The following DZIP1L variants were observed in gnomAD, a reference collection of about 807,000 sequenced individuals.
The protein encoded by DZIP1L is DAZ interacting zinc finger protein 1 like, also known as cilium assembly protein DZIP1L.
A neutral mutation model predicts 88.7 loss-of-function variants in DZIP1L; 90 were observed. The ratio of observed to expected loss-of-function variants is 1.02; its 90% CI spans 0.86 to 1.21. The LOEUF (loss-of-function observed/expected upper bound fraction) is 1.21. Ranked by LOEUF, DZIP1L falls within the 50% of genes most tolerant of loss-of-function variation. The probability of loss-of-function intolerance (pLI) is 0.00; values close to 1 mark genes in which losing one functional copy is unlikely to be tolerated. For synonymous variants in DZIP1L, 363 were observed against 372.1 expected (o/e 0.98, Z 0.28); for missense variants, 932 against 955.8 (o/e 0.98, Z 0.33).
intron 14 of DZIP1L, among the ~76,000 whole-genome samples, chr3:138,066,036 A>C: frequency 6.6e-6 from 1 of 152,214 alleles, no homozygotes; most frequent in East Asian, 1.9e-4. Context: ...TGAATTTCTA[A>C]GTCTCTTGGC....
Position 138,067,527 on chromosome 3 carries a change from T to C in DZIP1L, c.2002+4A>G. ...AGCCCACTCACCCAAAGGTGCCAGC[T>C]CACCTGAGCCCTGGCCAGGGGGCTG... On this transcript the variant is annotated splice_donor_region_variant and intron_variant, in intron 14 of 15. Transcript: ENST00000327532. 1 of 1,590,924 alleles carries C rather than the reference T, an allele frequency of 6.3e-7. No individual in the cohort carries two copies. Among genetic ancestry groups the C allele is most frequent in the Non-Finnish European group, 8.5e-7 (1 of 1,171,112 alleles).
At chr3:138,088,706 G>A in intron 5 of DZIP1L, 199 bp from the exon 6 acceptor site, 1 of 1,244,314 alleles carries the variant, frequency 8.0e-7, no homozygotes, top group Non-Finnish European at 1.0e-6. Context: ...CTCAGCCCTT[G>A]CATAGAAAAA....
chr3:138,077,736 CG>C, intron 10 of DZIP1L, 104 bp from the exon 11 acceptor site: 2 of 1,513,254 alleles, frequency 1.3e-6, no homozygotes, highest in Non-Finnish European at 1.8e-6. Flanking sequence ...GAATCCTGGT[CG>C]GTTAACTCAG....
chr3:138,093,408 GCATAATTCTTAAGGGCCCTAGAATTTTCA>G (rs1944325374), intron 4 of DZIP1L, among the ~76,000 whole-genome samples: 1 of 152,196 alleles, frequency 6.6e-6, no homozygotes, highest in East Asian at 1.9e-4. Flanking sequence ...AGTAGAGCTA[GCATAATTCTTAAGGGCCCTAGAATTTTCA>G]CAGTGGCAAA....
chr3:138,105,356 T>C (rs953304537), intron 1 of DZIP1L, among the ~76,000 whole-genome samples: 3 of 151,748 alleles, frequency 2.0e-5, no homozygotes, highest in African/African-American at 4.8e-5. Context: ...ATGATGATCA[T>C]TTTATATAAA....
At position 138,094,863 on chromosome 3, in the gene DZIP1L, T is replaced by A. The variant is rs781534394; in HGVS notation, c.707A>T (p.Gln236Leu). Residue 236 changes from glutamine to leucine, a missense_variant and splice_region_variant, in exon 4 of 16, where the codon CAG (glutamine) becomes CTG (leucine). Gln to Leu is a moderately radical substitution (Grantham distance 113, BLOSUM62 -2). Transcript: ENST00000327532. ...QREAERQRQL[Q>L]EAELIHQREI... The stretch of plus-strand genomic sequence containing the variant: ...CTGATGTTTTCTCTCCCTGCCCACC[T>A]GGAGCTGCCGCTGCCTCTCCGCCTC... The A allele has an allele frequency of 6.2e-7, 1 of 1,614,234 alleles. No individual in the cohort carries two copies. Among genetic ancestry groups the A allele is most frequent in the South Asian group, 1.1e-5 (1 of 91,084 alleles).
intron 9 of DZIP1L, 96 bp from the exon 10 acceptor site, chr3:138,080,716 A>G: frequency 7.7e-7 from 1 of 1,305,432 alleles, no homozygotes; most frequent in Non-Finnish European, 1.1e-6. Context: ...TGAGCCAGAA[A>G]GAGAAAACCC....
chr3:138,071,698 C>A lies in DZIP1L; in HGVS notation c.1560G>T (p.Ala520=), dbSNP rs144186460. Residue 520 remains alanine (A), a synonymous_variant, in exon 12 of 16, where the codon GCG becomes GCT. Transcript: ENST00000327532. ...CAGCGCCATTCTCCTGTCTCTCCTTCGCTCTGCTGGTGACTTCCTTGACAA... is the reference window on the plus strand; with the variant it reads ...CAGCGCCATTCTCCTGTCTCTCCTTAGCTCTGCTGGTGACTTCCTTGACAA... ...GKLVKEVTSR[A]KERQENGAVV... is the part of the protein sequence containing the mutation. 32 of 1,614,098 alleles carry A rather than the reference C, an allele frequency of 2.0e-5. No homozygotes were observed. The highest frequency in any genetic ancestry group is 2.7e-5 in the Non-Finnish European group (32 of 1,180,030).
chr3:138,065,340 T>A (rs1942847261), intron 14 of DZIP1L, among the ~76,000 whole-genome samples: 1 of 152,230 alleles, frequency 6.6e-6, no homozygotes. Context: ...AATCAAGGTC[T>A]GAGCAGACTT....
At position 138,101,945 on chromosome 3, in the gene DZIP1L, G is replaced by A. The variant is rs2042331013; in HGVS notation, c.501+1526C>T. On this transcript the variant is annotated intron_variant, in intron 2 of 15. Coordinates refer to ENST00000327532, the MANE Select transcript of DZIP1L (RefSeq NM_173543.3). ...GCATCTGCGATGCCCTCTGGCCTTT[G>A]AGGCCCTCAATCTCAGCCTGGAGCC... The A allele has an allele frequency of 3.3e-6, 5 of 1,530,366 alleles. No homozygotes were observed. In the Admixed American group the frequency reaches 6.7e-5, roughly 21 times the overall value. 94.8% of individuals were successfully genotyped at this position (1,530,366 alleles called of 1,614,324 possible).
chr3:138,103,794 C>A lies in DZIP1L; in HGVS notation c.178G>T (p.Ala60Ser). Residue 60 changes from alanine (A) to serine (S), a missense_variant, in exon 2 of 16, where the codon GCT (alanine) becomes TCT (serine). Physicochemically the swap from Ala to Ser is moderately conservative, Grantham distance 99 (BLOSUM62 1). Transcript: ENST00000327532. The stretch of plus-strand genomic sequence containing the variant: ...TCCAAGTTGCAGAAGGTGATGCCAG[C>A]AATATTCTCCTGCAGAGTGGCCACA... ...LDVATLQENIAGITFCNLDRE... is the reference protein window; with the variant it reads ...LDVATLQENISGITFCNLDRE... The A allele has an allele frequency of 6.2e-7, 1 of 1,614,160 alleles. No homozygotes were observed. The highest frequency in any genetic ancestry group is 1.3e-5 in the African/African-American group (1 of 75,086).
chr3:138,095,035 G>A (rs545032750), intron 3 of DZIP1L, 52 bp from the exon 4 acceptor site: 1 of 1,612,030 alleles, frequency 6.2e-7, no homozygotes, highest in Non-Finnish European at 8.5e-7. Context: ...AAAATCAAGG[G>A]AGTGTAGTTT....
In DZIP1L at chr3:138,102,871, C is replaced by A. The variant is rs11916515; in HGVS notation, c.501+600G>T. 4,161 of 664,094 alleles carry A rather than the reference C, an allele frequency of 6.3e-3. 126 individuals are homozygous for A. The African/African-American group carries it at 0.066, about 11-fold the overall frequency. The allele number at this position is 664,094 out of a possible 1,614,324, so 41.1% of individuals were successfully genotyped here. A position where few individuals can be genotyped will look rare whatever the true frequency, so the allele number is the denominator to read the frequency against. On this transcript the variant is annotated intron_variant, in intron 2 of 15. Coordinates refer to ENST00000327532, the MANE Select transcript of DZIP1L (RefSeq NM_173543.3). Reference sequence around the variant, plus strand: ...GAAGCAGCTGCTGAAGACCTGGGGGCCAGAGGTGGGCACCTTGTAGGACTT... The same window carrying A: ...GAAGCAGCTGCTGAAGACCTGGGGGACAGAGGTGGGCACCTTGTAGGACTT...
At chr3:138,066,370 T>G (rs1942900251) in intron 14 of DZIP1L, among the ~76,000 whole-genome samples, 1 of 152,134 alleles carries the variant, frequency 6.6e-6, no homozygotes, top group East Asian at 1.9e-4. Flanking sequence ...TCAAACAGCA[T>G]TAAAGACTAT....
At chr3:138,073,499 T>C (rs567666250) in intron 11 of DZIP1L, among the ~76,000 whole-genome samples, 12 of 152,214 alleles carry the variant, frequency 7.9e-5, no homozygotes, top group South Asian at 2.1e-4. Flanking sequence ...GGAAGCCCCA[T>C]TCCTAGGGGA....
At chr3:138,064,388 C>A in intron 15 of DZIP1L, 1 of 1,382,916 alleles carries the variant, frequency 7.2e-7, no homozygotes, top group Non-Finnish European at 9.4e-7. Context: ...ACAATCAAAA[C>A]TTACTGAGCA....
intron 1 of DZIP1L, chr3:138,112,314 G>A (rs1010762126): frequency 1.3e-5 from 2 of 152,110 alleles, no homozygotes; most frequent in Non-Finnish European, 2.9e-5. Context: ...TAATAATTAT[G>A]ATAATTATAA....
intron 12 of DZIP1L, chr3:138,069,227 T>C (rs1943060105): frequency 5.3e-6 from 3 of 562,522 alleles, no homozygotes; most frequent in East Asian, 6.2e-5. Context: ...CCTTAATGAA[T>C]AGTAAACATA....
intron 15 of DZIP1L, 48 bp downstream of exon 15, chr3:138,064,579 TG>T: frequency 6.2e-7 from 1 of 1,614,008 alleles, no homozygotes; most frequent in Non-Finnish European, 8.5e-7. Flanking sequence ...AACTCAGAGC[TG>T]GTTCTGTAGA....
Sources: gnomAD v4.1 joint callset for allele counts (sites outside exome capture counted in the v4.1 genomes callset) on GRCh38, gnomAD v4.1.1 for gene constraint, MANE v1.5 for transcripts, NCBI Gene and HGNC (gene_info 2026-07-23, HGNC 2026-07-21) for gene names.